The following ADGRB3 variants were observed in gnomAD, a reference collection of about 807,000 sequenced individuals.
The protein encoded by ADGRB3 is brain-specific angiogenesis inhibitor 3.
A neutral mutation model predicts 193.4 loss-of-function variants in ADGRB3; 37 were observed. The ratio of observed to expected loss-of-function variants is 0.19; its 90% CI spans 0.15 to 0.25. The LOEUF (loss-of-function observed/expected upper bound fraction) is 0.25, where lower values mean the gene tolerates loss of function less well. Ranked by LOEUF, ADGRB3 falls within the 10% of genes least tolerant of loss-of-function variation. ADGRB3 has a pLI of 1.00. For missense variants in ADGRB3, 1,637 were observed against 1,852.9 expected (o/e 0.88, Z 2.14); for synonymous variants, 690 against 644.2 (o/e 1.07, Z -1.08).
chr6:69,156,238 G>C (rs1462545141), intron 17 of ADGRB3, among the ~76,000 whole-genome samples: 1 of 152,108 alleles, frequency 6.6e-6, no homozygotes, highest in Non-Finnish European at 1.5e-5. Context: ...GCAGAAAATG[G>C]TTAAATTATG....
At chr6:69,318,779 C>T (rs1319390396) in intron 20 of ADGRB3, among the ~76,000 whole-genome samples, 1 of 150,862 alleles carries the variant, frequency 6.6e-6, no homozygotes, top group African/African-American at 2.4e-5. Flanking sequence ...TTTTATCTCT[C>T]ATAATTTATG....
chr6:69,355,167 A>T lies in ADGRB3; in HGVS notation c.3556-654A>T, dbSNP rs1769312523. On this transcript the variant is annotated intron_variant, in intron 27 of 31. Transcript: ENST00000370598. Reference sequence around the variant, plus strand: ...ATTTGATTGGAAGACCCTGATCAAGATAATGAAATTTTATCATTTCAAAAC... The same window carrying T: ...ATTTGATTGGAAGACCCTGATCAAGTTAATGAAATTTTATCATTTCAAAAC... 2.0e-5 allele frequency among the ~76,000 whole-genome samples: 3 copies of T among 152,244 alleles called. No individual in the cohort carries two copies. The South Asian group carries it at 6.2e-4, about 31-fold the overall frequency.
intron 20 of ADGRB3, among the ~76,000 whole-genome samples, chr6:69,304,440 T>A (rs1048205293): frequency 6.6e-6 from 1 of 151,664 alleles, no homozygotes; most frequent in African/African-American, 2.4e-5. Flanking sequence ...AAAGTCTGCC[T>A]ACTAGTAGTA....
chr6:68,947,370 G>A (rs964554323), intron 6 of ADGRB3, among the ~76,000 whole-genome samples: 1 of 151,786 alleles, frequency 6.6e-6, no homozygotes, highest in African/African-American at 2.4e-5. Context: ...CTTCTTAATG[G>A]TCAATTCTCA....
intron 20 of ADGRB3, among the ~76,000 whole-genome samples, chr6:69,241,853 G>T (rs1462488827): frequency 6.6e-6 from 1 of 151,834 alleles, no homozygotes; most frequent in African/African-American, 2.4e-5. Flanking sequence ...GGAGTGGGTG[G>T]TAAGTGGTAG....
intron 3 of ADGRB3, among the ~76,000 whole-genome samples, chr6:68,756,795 T>C (rs536271395): frequency 5.3e-5 from 8 of 152,286 alleles, no homozygotes; most frequent in African/African-American, 1.9e-4. Flanking sequence ...CAGAACACAT[T>C]TTTACATTTA....
At chr6:68,932,795 T>G (rs1562091044) in intron 4 of ADGRB3, among the ~76,000 whole-genome samples, 1 of 151,294 alleles carries the variant, frequency 6.6e-6, no homozygotes, top group Non-Finnish European at 1.5e-5. Flanking sequence ...GGCAAAAACA[T>G]ACATTTAAAT....
chr6:68,937,880 T>G (rs1464706636), intron 5 of ADGRB3, among the ~76,000 whole-genome samples: 2 of 152,162 alleles, frequency 1.3e-5, no homozygotes, highest in Non-Finnish European at 2.9e-5. Context: ...ACTACTAAGC[T>G]GTACACTAAA....
chr6:68,731,652 T>C (rs1765778444), intron 3 of ADGRB3, among the ~76,000 whole-genome samples: 1 of 151,636 alleles, frequency 6.6e-6, no homozygotes, highest in African/African-American at 2.4e-5. Context: ...AAACATAGTT[T>C]AAAACAGACA....
intron 13 of ADGRB3, among the ~76,000 whole-genome samples, chr6:69,029,501 AAAG>A (rs1378338136): frequency 6.6e-6 from 1 of 152,238 alleles, no homozygotes; most frequent in African/African-American, 2.4e-5. Context: ...CTCATAGTCT[AAAG>A]AAACCTAAGG....
Position 69,094,492 on chromosome 6 carries a change from T to C in ADGRB3, c.2480+18454T>C, listed in dbSNP as rs576438559. Among the ~76,000 whole-genome samples the C allele has an allele frequency of 1.7e-4, 26 of 152,322 alleles. No individual in the cohort carries two copies. The East Asian group carries it at 4.1e-3, about 24-fold the overall frequency. ...AGACTAACACACAAATGCTAATTAA[T>C]ATTTAGCATTTAGATATCTGTATCC... On this transcript the variant is annotated intron_variant, in intron 17 of 31. Coordinates refer to ENST00000370598, the MANE Select transcript of ADGRB3 (RefSeq NM_001704.3).
chr6:69,001,497 A>G (rs1433319229), intron 11 of ADGRB3, among the ~76,000 whole-genome samples: 1 of 152,170 alleles, frequency 6.6e-6, no homozygotes, highest in East Asian at 1.9e-4. Context: ...TGGTGAGTAG[A>G]GAAAGAGTGG....
At chr6:69,232,314 G>A (rs1766160256) in intron 17 of ADGRB3, 1 of 893,362 alleles carries the variant, frequency 1.1e-6, no homozygotes, top group Non-Finnish European at 1.5e-6. Context: ...TAGTTCTGCT[G>A]GGGGTGGAAG....
At chr6:69,080,013 C>A (rs1484339362) in intron 17 of ADGRB3, among the ~76,000 whole-genome samples, 1 of 152,062 alleles carries the variant, frequency 6.6e-6, no homozygotes, top group Non-Finnish European at 1.5e-5. Flanking sequence ...GAGACTGACA[C>A]TGGCTTGTTT....
At position 69,205,599 on chromosome 6, in the gene ADGRB3, T is replaced by C. The variant is rs541600534; in HGVS notation, c.2481-27691T>C. Among the ~76,000 whole-genome samples, 21 of 152,206 alleles carry C rather than the reference T, an allele frequency of 1.4e-4. No individual in the cohort carries two copies. The South Asian group carries it at 4.4e-3, about 32-fold the overall frequency. ...GAATTTCAAGAAAATGGCACTGGCC[T>C]CTAGTATGGGTGATCCCATGGTGAA... On this transcript the variant is annotated intron_variant, in intron 17 of 31. Transcript: ENST00000370598.
intron 3 of ADGRB3, among the ~76,000 whole-genome samples, chr6:68,855,885 G>T (rs866973217): frequency 2.0e-5 from 3 of 152,128 alleles, no homozygotes; most frequent in Non-Finnish European, 4.4e-5. Context: ...ATTAGGCAGT[G>T]ATATGGTTTG....
At chr6:68,823,902 T>C (rs575745454) in intron 3 of ADGRB3, among the ~76,000 whole-genome samples, 1 of 151,832 alleles carries the variant, frequency 6.6e-6, no homozygotes, top group East Asian at 1.9e-4. Flanking sequence ...TGAATAATAA[T>C]TTAGTTAAGT....
intron 3 of ADGRB3, among the ~76,000 whole-genome samples, chr6:68,811,121 C>A (rs1028743976): frequency 1.3e-4 from 20 of 152,012 alleles, no homozygotes; most frequent in African/African-American, 4.8e-4. Flanking sequence ...AACATACAAA[C>A]CCATTGTACT....
chr6:68,996,330 C>T (rs965538072), intron 11 of ADGRB3, among the ~76,000 whole-genome samples: 1 of 152,064 alleles, frequency 6.6e-6, no homozygotes, highest in Non-Finnish European at 1.5e-5. Flanking sequence ...TCCTTTTGAT[C>T]CTCCCTCGCC....
Sources: allele counts gnomAD v4.1 joint callset (sites outside exome capture counted in the v4.1 genomes callset), GRCh38; gene constraint gnomAD v4.1.1; transcripts MANE v1.5; gene names NCBI Gene and HGNC (gene_info 2026-07-23, HGNC 2026-07-21).